The following TENM2 variants were observed in gnomAD, a reference collection of about 807,000 sequenced individuals.
TENM2 encodes teneurin-2.
A neutral mutation model predicts 245.2 loss-of-function variants in TENM2; 52 were observed. The observed-to-expected ratio is 0.21, with a 90% CI of 0.17 to 0.27. The LOEUF is 0.27. Ranked by LOEUF, TENM2 falls within the 10% of genes least tolerant of loss-of-function variation. The pLI is 1.00. For missense variants in TENM2, 3,046 were observed against 3,666.8 expected, an observed-to-expected ratio of 0.83 and a Z score of 4.37; for synonymous variants, 1,363 against 1,438.9, an observed-to-expected ratio of 0.95 and a Z score of 1.19.
chr5:167,858,300 AG>A (rs1331013434), intron 2 of TENM2, among the ~76,000 whole-genome samples: 1 of 152,272 alleles, frequency 6.6e-6, no homozygotes, highest in East Asian at 1.9e-4. Flanking sequence ...CTTCATAAGA[AG>A]AGGAAGAAGC....
chr5:167,914,397 C>T (rs1776770905), intron 3 of TENM2, among the ~76,000 whole-genome samples: 1 of 152,206 alleles, frequency 6.6e-6, no homozygotes, highest in Non-Finnish European at 1.5e-5. Context: ...CATCATTAGA[C>T]TGAGTCTTTC....
chr5:168,124,278 C>T (rs1403453864), intron 10 of TENM2, among the ~76,000 whole-genome samples: 1 of 152,194 alleles, frequency 6.6e-6, no homozygotes, highest in African/African-American at 2.4e-5. Context: ...GGTGTGTGCT[C>T]AGAGAATGGA....
At chr5:167,395,049 G>C (rs1467912080) in intron 2 of TENM2, among the ~76,000 whole-genome samples, 1 of 152,150 alleles carries the variant, frequency 6.6e-6, no homozygotes, top group Non-Finnish European at 1.5e-5. Context: ...TTTTGGTAGG[G>C]ATTGGATGCA....
chr5:167,112,079 T>A, the TENM2 span, among the ~76,000 whole-genome samples: 5 of 152,292 alleles, frequency 3.3e-5, no homozygotes, highest in South Asian at 1.0e-3. Flanking sequence ...ATTAAAATGA[T>A]TGACAGTGAA....
the TENM2 span, among the ~76,000 whole-genome samples, chr5:167,120,972 A>G: frequency 6.6e-6 from 1 of 152,134 alleles, no homozygotes; most frequent in Non-Finnish European, 1.5e-5. Context: ...CACTCATGGC[A>G]TTAATGAGCT....
intron 2 of TENM2, among the ~76,000 whole-genome samples, chr5:167,827,635 G>GT (rs1554126522): frequency 6.5e-5 from 7 of 107,954 alleles, no homozygotes; most frequent in Non-Finnish European, 5.7e-5. Flanking sequence ...GGGCGGGGGG[G>GT]GGGGAACAGT....
rs1756206810 is a variant in TENM2, at chr5:167,314,097, T to A, written c.226+29034T>A. Among the ~76,000 whole-genome samples the A allele has an allele frequency of 2.6e-5, 4 of 152,186 alleles. No homozygotes were observed. In the South Asian group the frequency reaches 8.3e-4, roughly 32 times the overall value. On this transcript the variant is annotated intron_variant, in intron 1 of 28. Transcript: ENST00000518659. ...CATTGCCATATAGAGTGGCAAATAA[T>A]GTTGGAAGGAAATTGGGCATTTTGG...
chr5:167,077,880 G>A, the TENM2 span, among the ~76,000 whole-genome samples: 1 of 152,088 alleles, frequency 6.6e-6, no homozygotes, highest in Admixed American at 6.6e-5. Flanking sequence ...TATAAAAAAG[G>A]CAAAGTAGTC....
At chr5:167,074,844 C>T in the TENM2 span, among the ~76,000 whole-genome samples, 1 of 152,206 alleles carries the variant, frequency 6.6e-6, no homozygotes, top group Admixed American at 6.5e-5. Flanking sequence ...GTGCTCAGCA[C>T]ACCTTACCCT....
chr5:167,749,026 T>C (rs1033591121), intron 2 of TENM2, among the ~76,000 whole-genome samples: 4 of 152,148 alleles, frequency 2.6e-5, no homozygotes, highest in Non-Finnish European at 4.4e-5. Context: ...GGATTACAGG[T>C]GTAAGCCACC....
In TENM2 at chr5:168,161,426, C is replaced by T. The variant is rs138072231; in HGVS notation, c.2423-1185C>T. Among the ~76,000 whole-genome samples, 1,379 of 152,242 alleles carry T rather than the reference C, an allele frequency of 9.1e-3. 21 individuals are homozygous for T. The highest frequency in any genetic ancestry group is 0.032 in the African/African-American group (1,316 of 41,512). On this transcript the variant is annotated intron_variant, in intron 12 of 28. Coordinates refer to ENST00000518659, the Ensembl canonical transcript of TENM2. Reference sequence around the variant, plus strand: ...TAAGCAAGAAAACATATCCCAAGTGCACAACTCTGCAAATTTACTAGAAGT... The same window carrying T: ...TAAGCAAGAAAACATATCCCAAGTGTACAACTCTGCAAATTTACTAGAAGT...
At chr5:167,220,819 T>C in the TENM2 span, among the ~76,000 whole-genome samples, 1 of 148,144 alleles carries the variant, frequency 6.8e-6, no homozygotes, top group Admixed American at 6.8e-5. Context: ...GCCCTCTGTG[T>C]ATCATACACA....
intron 2 of TENM2, among the ~76,000 whole-genome samples, chr5:167,731,735 G>A: frequency 1.0e-5 from 1 of 100,472 alleles, no homozygotes; most frequent in South Asian, 3.5e-4. Flanking sequence ...AAGGCTATTT[G>A]CTTGCCTCCA....
chr5:167,584,698 CTTTT>C (rs35436525), intron 2 of TENM2, among the ~76,000 whole-genome samples: 1 of 143,172 alleles, frequency 7.0e-6, no homozygotes, highest in Non-Finnish European at 1.5e-5. Flanking sequence ...CTTTACTTTT[CTTTT>C]TTTTTTTTTT....
chr5:167,661,994 A>G (rs971053415), intron 2 of TENM2, among the ~76,000 whole-genome samples: 4 of 152,204 alleles, frequency 2.6e-5, no homozygotes, highest in Non-Finnish European at 5.9e-5. Context: ...GGTCATGGGA[A>G]TAGAAGGGCC....
intron 2 of TENM2, among the ~76,000 whole-genome samples, chr5:167,691,841 G>T (rs953920136): frequency 2.0e-5 from 3 of 152,172 alleles, no homozygotes; most frequent in Non-Finnish European, 1.5e-5. Context: ...AAGAGAGGTT[G>T]GGGGCATAGC....
intron 3 of TENM2, among the ~76,000 whole-genome samples, chr5:167,937,001 T>C (rs1421248134): frequency 1.3e-5 from 2 of 152,236 alleles, no homozygotes; most frequent in Non-Finnish European, 2.9e-5. Flanking sequence ...ACTTCTTTAA[T>C]AGACAAATAA....
At chr5:166,998,616 GA>G in the TENM2 span, among the ~76,000 whole-genome samples, 5 of 152,092 alleles carry the variant, frequency 3.3e-5, no homozygotes, top group Non-Finnish European at 7.4e-5. Context: ...AAAATTTCAA[GA>G]AAAAACATTG....
chr5:167,035,441 A>G, the TENM2 span, among the ~76,000 whole-genome samples: 3 of 152,356 alleles, frequency 2.0e-5, no homozygotes, highest in East Asian at 5.8e-4. Context: ...TAAAACTTTA[A>G]TCTAAATTCA....
Sources: allele counts gnomAD v4.1 joint callset (sites outside exome capture counted in the v4.1 genomes callset), GRCh38; gene constraint gnomAD v4.1.1; transcripts MANE v1.5; gene names NCBI Gene and HGNC (gene_info 2026-07-23, HGNC 2026-07-21).